SBF2: variants seen among roughly 807,000 people sequenced by gnomAD.
SBF2 encodes the protein myotubularin-related protein 13.
SBF2 carries 112 observed loss-of-function variants against 225.2 expected under a neutral mutation model. The ratio of observed to expected loss-of-function variants is 0.50; its 90% confidence interval spans 0.43 to 0.58. SBF2 has a LOEUF of 0.58. Ranked by LOEUF, SBF2 falls within the 20% of genes least tolerant of loss-of-function variation. The probability of loss-of-function intolerance (pLI) is 0.00; values close to 1 mark genes in which losing one functional copy is unlikely to be tolerated. For missense variants in SBF2, 1,996 were observed against 2,206.2 expected, an observed-to-expected ratio of 0.90 and a Z score of 1.91; for synonymous variants, 763 against 773.3, an observed-to-expected ratio of 0.99 and a Z score of 0.22.
At chr11:10,185,738 CCTT>C (rs967285565) in intron 2 of SBF2, among the ~76,000 whole-genome samples, 18 of 151,620 alleles carry the variant, frequency 1.2e-4, no homozygotes, top group African/African-American at 3.4e-4. Context: ...TTGTAGATCT[CCTT>C]ATCTCGTACT....
chr11:10,050,444 T>C (rs1023945851), intron 2 of SBF2, among the ~76,000 whole-genome samples: 4 of 152,166 alleles, frequency 2.6e-5, no homozygotes, highest in African/African-American at 9.6e-5. Context: ...ATATGTACTA[T>C]GTTTTTTCCT....
intron 2 of SBF2, among the ~76,000 whole-genome samples, chr11:10,174,556 G>T (rs1956368823): frequency 6.6e-6 from 1 of 152,154 alleles, no homozygotes; most frequent in Admixed American, 6.5e-5. Flanking sequence ...GAAAGTGATG[G>T]GGAGAATGGA....
rs572506678 is a variant in SBF2 at position 10,172,896 on chromosome 11, G to C, written c.141+21006C>G. Among the ~76,000 whole-genome samples, 6 of 152,240 alleles carry C rather than the reference G, an allele frequency of 3.9e-5. No individual in the cohort carries two copies. The South Asian group carries it at 1.0e-3, about 26-fold the overall frequency. On this transcript the variant is annotated intron_variant, in intron 2 of 39. Transcript: ENST00000256190. ...CTGGCCAGGCTGGTCTTGAACTACC[G>C]ATCTCCACTGACCCGCCCACCTTGG... is the stretch of plus-strand genomic sequence containing the variant.
chr11:9,852,306 G>C (rs183519648), intron 21 of SBF2, among the ~76,000 whole-genome samples: 1 of 152,096 alleles, frequency 6.6e-6, no homozygotes, highest in Non-Finnish European at 1.5e-5. Context: ...CAGAAACCTG[G>C]GTTTTTTATG....
At chr11:9,882,010 A>G (rs1392852017) in intron 17 of SBF2, among the ~76,000 whole-genome samples, 1 of 152,146 alleles carries the variant, frequency 6.6e-6, no homozygotes, top group South Asian at 2.1e-4. Flanking sequence ...AATAAAGCAC[A>G]AATGTGTTGT....
intron 6 of SBF2, among the ~76,000 whole-genome samples, chr11:10,018,624 C>A (rs1948733718): frequency 6.6e-6 from 1 of 152,082 alleles, no homozygotes; most frequent in South Asian, 2.1e-4. Flanking sequence ...CAAAAAAGGA[C>A]AATGGGCAGG....
At chr11:9,829,517 G>T (rs1564890163) in intron 27 of SBF2, 21 bp from the exon 28 acceptor site, 8 of 1,569,578 alleles carry the variant, frequency 5.1e-6, no homozygotes, top group Non-Finnish European at 7.0e-6. Flanking sequence ...AAAATATATT[G>T]AATAAAATAA....
chr11:9,973,291 C>G (rs1203269700), intron 13 of SBF2, among the ~76,000 whole-genome samples: 1 of 152,320 alleles, frequency 6.6e-6, no homozygotes, highest in African/African-American at 2.4e-5. Context: ...TTAAAAGCTA[C>G]AGCCAAATTT....
Position 9,967,935 on chromosome 11 carries a change from G to GTC in SBF2, c.1600+404_1600+405dup, listed in dbSNP as rs1469233412. ...AATCTGTCTGTCTGTCTGTCTGTCT[G>GTC]TCTGTCTGTCTGTCTCTCTCTCTCT... On this transcript the variant is annotated intron_variant, in intron 14 of 39. Transcript: ENST00000256190. Among the ~76,000 whole-genome samples, 503 of 114,402 alleles carry GTC rather than the reference G, an allele frequency of 4.4e-3. 6 individuals carry two copies. The highest frequency in any genetic ancestry group is 7.1e-3 in the Non-Finnish European group (381 of 54,030). 75.1% of individuals were successfully genotyped at this position (114,402 alleles called of 152,430 possible).
chr11:10,272,476 T>G (rs1327619458), intron 1 of SBF2, among the ~76,000 whole-genome samples: 1 of 152,162 alleles, frequency 6.6e-6, no homozygotes, highest in Non-Finnish European at 1.5e-5. Flanking sequence ...TACCATTTCT[T>G]TAAAATTATT....
intron 6 of SBF2, among the ~76,000 whole-genome samples, chr11:10,020,895 AAAACTTTT>A (rs372196790): frequency 1.6e-4 from 24 of 152,118 alleles, no homozygotes; most frequent in African/African-American, 5.5e-4. Context: ...AAACTGAACA[AAAACTTTT>A]TTAAGAACTT....
chr11:9,796,158 T>G (rs939467970), intron 32 of SBF2, among the ~76,000 whole-genome samples: 2 of 126,092 alleles, frequency 1.6e-5, no homozygotes, highest in East Asian at 2.0e-4. Flanking sequence ...CAGACGAGGG[T>G]TTTTTTTTTT....
chr11:9,852,609 C>T, intron 21 of SBF2, 67 bp downstream of exon 21: 1 of 1,137,310 alleles, frequency 8.8e-7, no homozygotes, highest in South Asian at 1.2e-5. Context: ...TTTCCTGGCA[C>T]ACAGCAGTCT....
chr11:9,934,823 T>C (rs1435132621), intron 16 of SBF2, among the ~76,000 whole-genome samples: 2 of 152,130 alleles, frequency 1.3e-5, no homozygotes, highest in East Asian at 3.9e-4. Context: ...ATAAGAGCTA[T>C]TTATGACAAA....
intron 2 of SBF2, among the ~76,000 whole-genome samples, chr11:10,171,226 A>C (rs1228968069): frequency 5.3e-5 from 8 of 152,182 alleles, no homozygotes; most frequent in Non-Finnish European, 8.8e-5. Context: ...TAGATATTAG[A>C]GGAAAGGCTT....
At chr11:9,947,162 T>C (rs1865610498) in intron 16 of SBF2, among the ~76,000 whole-genome samples, 1 of 152,184 alleles carries the variant, frequency 6.6e-6, no homozygotes, top group African/African-American at 2.4e-5. Flanking sequence ...TATAATCAAG[T>C]GCCTATAGAT....
intron 2 of SBF2, among the ~76,000 whole-genome samples, chr11:10,136,153 G>A (rs1297864530): frequency 6.6e-6 from 1 of 152,054 alleles, no homozygotes; most frequent in Non-Finnish European, 1.5e-5. Flanking sequence ...GATCTCATGA[G>A]ACTTATTCAC....
At chr11:10,220,930 T>C (rs1041409578) in intron 1 of SBF2, among the ~76,000 whole-genome samples, 8 of 152,162 alleles carry the variant, frequency 5.3e-5, no homozygotes, top group Non-Finnish European at 7.3e-5. Context: ...CTATTTCTCA[T>C]AGATAAAACA....
At chr11:10,079,546 T>C (rs1242495342) in intron 2 of SBF2, among the ~76,000 whole-genome samples, 1 of 152,034 alleles carries the variant, frequency 6.6e-6, no homozygotes, top group Admixed American at 6.6e-5. Flanking sequence ...TAGACAAAAG[T>C]TTTTTAAAAA....
Sources: gnomAD v4.1 joint callset for allele counts (sites outside exome capture counted in the v4.1 genomes callset) on GRCh38, gnomAD v4.1.1 for gene constraint, MANE v1.5 for transcripts, NCBI Gene and HGNC (gene_info 2026-07-23, HGNC 2026-07-21) for gene names.